GRIA3: variants seen among roughly 807,000 people sequenced by gnomAD.
GRIA3 encodes glutamate ionotropic receptor AMPA type subunit 3.
GRIA3 carries 3 observed loss-of-function variants against 63.0 expected under a neutral mutation model. The observed-to-expected ratio is 0.05, with a 90% CI of 0.02 to 0.12. GRIA3 has a LOEUF of 0.12. GRIA3 is among the 10% of genes least tolerant of loss of function. The probability of loss-of-function intolerance (pLI) is 1.00; values close to 1 mark genes in which losing one functional copy is unlikely to be tolerated. For missense variants in GRIA3, 347 were observed against 700.9 expected, an observed-to-expected ratio of 0.50 and a Z score of 5.70; for synonymous variants, 274 against 257.9, an observed-to-expected ratio of 1.06 and a Z score of -0.60.
chrX:123,423,714 G>A (rs2147397920), intron 11 of GRIA3, among the ~76,000 whole-genome samples: 1 of 112,007 alleles, frequency 8.9e-6, no homozygotes, highest in East Asian at 2.8e-4. Flanking sequence ...GAATGATAAA[G>A]AGTTTGTACA....
At chrX:123,309,732 C>T (rs2044778188) in intron 3 of GRIA3, among the ~76,000 whole-genome samples, 1 of 111,743 alleles carries the variant, frequency 8.9e-6, no homozygotes, top group Non-Finnish European at 1.9e-5. Flanking sequence ...CTTGGGGATC[C>T]AGAAGGGCCC....
chrX:123,299,746 C>A (rs2044708953), intron 3 of GRIA3, among the ~76,000 whole-genome samples: 1 of 111,049 alleles, frequency 9.0e-6, no homozygotes, highest in African/African-American at 3.3e-5. Context: ...ATTGCCCTGG[C>A]CAGAACTTCC....
chrX:123,305,958 T>C (rs2044752384), intron 3 of GRIA3, among the ~76,000 whole-genome samples: 1 of 111,772 alleles, frequency 8.9e-6, no homozygotes, highest in Non-Finnish European at 1.9e-5. Context: ...AAATGGTCTA[T>C]TGAGACTTCC....
intron 2 of GRIA3, among the ~76,000 whole-genome samples, chrX:123,226,084 AC>A (rs1358372795): frequency 2.7e-5 from 3 of 111,450 alleles, no homozygotes; most frequent in African/African-American, 9.8e-5. Flanking sequence ...TTTTTCCTTT[AC>A]TTGGTCCTAG....
chrX:123,379,088 A>G (rs2045304913), intron 5 of GRIA3, among the ~76,000 whole-genome samples: 1 of 111,439 alleles, frequency 9.0e-6, no homozygotes, highest in East Asian at 2.8e-4. Flanking sequence ...GGCAAGAGTT[A>G]TGAACAAATT....
At chrX:123,332,201 AAC>A (rs1040306531) in intron 4 of GRIA3, among the ~76,000 whole-genome samples, 12 of 110,696 alleles carry the variant, frequency 1.1e-4, no homozygotes, top group Admixed American at 2.9e-4. Context: ...AACACTGGGT[AAC>A]ACATATTGAT....
At chrX:123,373,632 G>C (rs2045264154) in intron 5 of GRIA3, among the ~76,000 whole-genome samples, 1 of 112,365 alleles carries the variant, frequency 8.9e-6, no homozygotes, top group South Asian at 3.7e-4. Context: ...TCATGTGTCT[G>C]TTAGCTGCAT....
At chrX:123,374,231 A>G (rs1159572009) in intron 5 of GRIA3, among the ~76,000 whole-genome samples, 1 of 111,473 alleles carries the variant, frequency 9.0e-6, no homozygotes, top group African/African-American at 3.3e-5. Flanking sequence ...GTTTTGGTGC[A>G]AGTACCATGC....
chrX:123,429,165 C>T (rs1161854263), intron 12 of GRIA3, among the ~76,000 whole-genome samples: 3 of 111,406 alleles, frequency 2.7e-5, no homozygotes, highest in African/African-American at 9.8e-5. Flanking sequence ...GCTGATTTTT[C>T]CTCAAAGGCC....
intron 4 of GRIA3, among the ~76,000 whole-genome samples, chrX:123,343,975 A>C (rs1449803278): frequency 9.0e-6 from 1 of 111,116 alleles, no homozygotes; most frequent in Non-Finnish European, 1.9e-5. Context: ...TTTCTCATTT[A>C]GGTCTCACAA....
intron 5 of GRIA3, among the ~76,000 whole-genome samples, chrX:123,365,096 T>C (rs995643515): frequency 2.7e-5 from 3 of 111,629 alleles, no homozygotes; most frequent in African/African-American, 9.8e-5. Flanking sequence ...ACTAAGAGGG[T>C]AAATTTCAAA....
In GRIA3 at chrX:123,213,539, C is replaced by T. The variant is rs147760244; in HGVS notation, c.268+27549C>T. ...TAGGTTTGATTCTACAGTTCACACT[C>T]TTTCCACTATGAAGTAAAAATCAAA... On this transcript the variant is annotated intron_variant, in intron 2 of 15. Transcript: ENST00000620443. Among the ~76,000 whole-genome samples the T allele has an allele frequency of 9.8e-3, 1,107 of 112,404 alleles. 21 individuals carry two copies. The highest frequency in any genetic ancestry group is 0.033 in the African/African-American group (1,032 of 30,888).
chrX:123,263,640 C>G, intron 3 of GRIA3, among the ~76,000 whole-genome samples: 1 of 112,121 alleles, frequency 8.9e-6, no homozygotes, highest in Non-Finnish European at 1.9e-5. Context: ...GTTCCTGTGT[C>G]AATGGGTCTC....
At chrX:123,257,645 A>G (rs191985802) in intron 3 of GRIA3, among the ~76,000 whole-genome samples, 265 of 107,139 alleles carry the variant, frequency 2.5e-3, no homozygotes, top group African/African-American at 8.2e-3. Context: ...AAATTACAAT[A>G]GAAAATATAA....
At chrX:123,466,804 T>A (rs2045836968) in intron 13 of GRIA3, among the ~76,000 whole-genome samples, 1 of 112,301 alleles carries the variant, frequency 8.9e-6, no homozygotes, top group South Asian at 3.7e-4. Flanking sequence ...GAACAGTGTT[T>A]CCCAACCACA....
intron 3 of GRIA3, among the ~76,000 whole-genome samples, chrX:123,263,895 ACTT>A (rs760142175): frequency 8.9e-6 from 1 of 112,341 alleles, no homozygotes; most frequent in South Asian, 3.7e-4. Context: ...AGGAAACTCT[ACTT>A]CTCACAGCAG....
chrX:123,234,949 C>T (rs2044294582), intron 2 of GRIA3, among the ~76,000 whole-genome samples: 1 of 111,053 alleles, frequency 9.0e-6, no homozygotes, highest in Non-Finnish European at 1.9e-5. Context: ...GGTTTATTTG[C>T]CCTTTAAATG....
At chrX:123,205,789 G>T (rs188559221) in intron 2 of GRIA3, among the ~76,000 whole-genome samples, 6 of 112,012 alleles carry the variant, frequency 5.4e-5, no homozygotes, top group Non-Finnish European at 1.1e-4. Context: ...TGGGGAAGGG[G>T]TGATATATGA....
chrX:123,301,092 G>A (rs1323683415), intron 3 of GRIA3, among the ~76,000 whole-genome samples: 1 of 111,173 alleles, frequency 9.0e-6, no homozygotes, highest in African/African-American at 3.3e-5. Context: ...TTCTGATCAC[G>A]TGGTCAATTT....
Sources: allele counts gnomAD v4.1 joint callset (sites outside exome capture counted in the v4.1 genomes callset), GRCh38; gene constraint gnomAD v4.1.1; transcripts MANE v1.5; gene names NCBI Gene and HGNC (gene_info 2026-07-23, HGNC 2026-07-21).